Variants in PCDH15 observed in about 807,000 individuals in gnomAD.
The protein encoded by PCDH15 is protocadherin related 15.
PCDH15 carries 129 observed loss-of-function variants against 178.5 expected under a neutral mutation model. The ratio of observed to expected loss-of-function variants is 0.72; its 90% CI spans 0.63 to 0.84. PCDH15 has a LOEUF of 0.84. PCDH15 is among the 40% of genes least tolerant of loss of function. PCDH15 has a pLI of 0.00. For missense variants in PCDH15, 2,230 were observed against 2,099.9 expected (o/e 1.06, Z -1.21); for synonymous variants, 800 against 732.0 (o/e 1.09, Z -1.50).
At chr10:53,926,332 T>C (rs1162712563) in intron 25 of PCDH15, among the ~76,000 whole-genome samples, 2 of 152,200 alleles carry the variant, frequency 1.3e-5, no homozygotes, top group Non-Finnish European at 2.9e-5. Flanking sequence ...TTTCAAATAG[T>C]TGTGAAGAAA....
At chr10:54,577,852 GAATA>G (rs1228767675) in intron 2 of PCDH15, among the ~76,000 whole-genome samples, 2,203 of 11,462 alleles carry the variant, frequency 0.19, 37 homozygotes, top group East Asian at 0.41. Context: ...CTAAATAAAT[GAATA>G]AATAAATAAA....
intron 2 of PCDH15, among the ~76,000 whole-genome samples, chr10:54,997,703 A>T (rs991012217): frequency 3.9e-5 from 6 of 152,166 alleles, no homozygotes. Context: ...TGTTACTATA[A>T]AACCTAATAT....
At chr10:54,534,382 G>A (rs115264395) in intron 2 of PCDH15, among the ~76,000 whole-genome samples, 298 of 152,168 alleles carry the variant, frequency 2.0e-3, no homozygotes, top group African/African-American at 6.7e-3. Flanking sequence ...CAGATACCAA[G>A]CTAGATATAC....
At chr10:53,807,266 G>T in intron 37 of PCDH15, 136 bp from the exon 38 acceptor site, 1 of 655,852 alleles carries the variant, frequency 1.5e-6, no homozygotes, top group Admixed American at 3.2e-5. Context: ...ATAGAAGGAA[G>T]CCAGTCTTTA....
At chr10:54,444,068 T>C (rs1305889439) in intron 3 of PCDH15, among the ~76,000 whole-genome samples, 3 of 151,738 alleles carry the variant, frequency 2.0e-5, no homozygotes. Context: ...TAATTCAGAA[T>C]GTCTAGGTAA....
At chr10:55,564,670 C>T (rs1021082118) in intron 2 of PCDH15, among the ~76,000 whole-genome samples, 9 of 151,488 alleles carry the variant, frequency 5.9e-5, no homozygotes, top group African/African-American at 1.5e-4. Context: ...TAGAAAAAGA[C>T]GCTCCATGTA....
intron 2 of PCDH15, among the ~76,000 whole-genome samples, chr10:55,619,381 C>T (rs765229683): frequency 2.0e-5 from 3 of 151,848 alleles, no homozygotes; most frequent in Middle Eastern, 3.2e-3. Flanking sequence ...TTAGTAACGT[C>T]AAACAAAAGT....
intron 2 of PCDH15, among the ~76,000 whole-genome samples, chr10:55,016,689 T>C (rs1350240082): frequency 1.3e-5 from 2 of 152,170 alleles, no homozygotes; most frequent in South Asian, 2.1e-4. Context: ...TGGGCTATTG[T>C]GAACAGTGTT....
intron 2 of PCDH15, among the ~76,000 whole-genome samples, chr10:55,416,824 G>A (rs1281305440): frequency 6.6e-6 from 1 of 151,728 alleles, no homozygotes. Context: ...TGTCTGTCAC[G>A]TGATGTCACT....
intron 2 of PCDH15, among the ~76,000 whole-genome samples, chr10:55,374,493 G>A (rs1421881005): frequency 1.3e-5 from 2 of 152,070 alleles, no homozygotes; most frequent in African/African-American, 4.8e-5. Context: ...TACTCCTGGT[G>A]ATAGGCAATA....
intron 23 of PCDH15, among the ~76,000 whole-genome samples, chr10:53,946,450 C>A (rs946727991): frequency 1.3e-5 from 2 of 152,146 alleles, no homozygotes; most frequent in Admixed American, 1.3e-4. Context: ...ATATGTTTAA[C>A]TTTTCTAGAA....
chr10:55,479,711 A>T (rs1840137189), intron 2 of PCDH15, among the ~76,000 whole-genome samples: 2 of 151,348 alleles, frequency 1.3e-5, no homozygotes, highest in South Asian at 2.1e-4. Context: ...AAGAAAGTCA[A>T]ATTATCCCTC....
intron 2 of PCDH15, among the ~76,000 whole-genome samples, chr10:55,605,334 C>T (rs1251823491): frequency 2.0e-5 from 3 of 152,044 alleles, no homozygotes; most frequent in African/African-American, 7.2e-5. Flanking sequence ...GGAACTGGTA[C>T]CATTCCTTCT....
At chr10:54,011,190 C>T (rs764025115) in intron 20 of PCDH15, among the ~76,000 whole-genome samples, 4 of 152,144 alleles carry the variant, frequency 2.6e-5, no homozygotes, top group Non-Finnish European at 5.9e-5. Flanking sequence ...CAACCGAAAG[C>T]CCCTCTACCA....
intron 1 of PCDH15, among the ~76,000 whole-genome samples, chr10:55,183,914 T>C (rs1190113961): frequency 6.6e-6 from 1 of 151,968 alleles, no homozygotes; most frequent in Non-Finnish European, 1.5e-5. Context: ...GTTAGAGTTA[T>C]TTTGGCAATC....
chr10:55,345,120 G>T (rs1325412460), intron 2 of PCDH15, among the ~76,000 whole-genome samples: 1 of 150,996 alleles, frequency 6.6e-6, no homozygotes, highest in African/African-American at 2.5e-5. Flanking sequence ...AATATACTAT[G>T]TCCTAAAAGT....
At chr10:54,693,205 C>A (rs747265679) in intron 1 of PCDH15, among the ~76,000 whole-genome samples, 1 of 151,992 alleles carries the variant, frequency 6.6e-6, no homozygotes, top group South Asian at 2.1e-4. Context: ...TTTCTCCTTA[C>A]CCTTCTCTTT....
At position 55,356,163 on chromosome 10, in the gene PCDH15, T is replaced by G. The variant is rs952306744; in HGVS notation, c.-155-189512A>C. On this transcript the variant is annotated intron_variant, in intron 2 of 5. Coordinates refer to the PCDH15 transcript ENST00000613346. ...CAAATTGCTGCCCTGTGTTCAGCCC[T>G]TTTTTTGTTAATTTCTCAACACCTA... is the stretch of plus-strand genomic sequence containing the variant. Among the ~76,000 whole-genome samples the G allele has an allele frequency of 2.6e-5, 4 of 151,912 alleles. No individual in the cohort carries two copies. The East Asian group carries it at 7.7e-4, about 29-fold the overall frequency.
chr10:54,084,906 A>T (rs2094493267), intron 16 of PCDH15, among the ~76,000 whole-genome samples: 1 of 152,190 alleles, frequency 6.6e-6, no homozygotes, highest in Non-Finnish European at 1.5e-5. Context: ...CTTTACAATG[A>T]TATTTAAAGA....
Sources: gnomAD v4.1 joint callset for allele counts (sites outside exome capture counted in the v4.1 genomes callset) on GRCh38, gnomAD v4.1.1 for gene constraint, MANE v1.5 for transcripts, NCBI Gene and HGNC (gene_info 2026-07-23, HGNC 2026-07-21) for gene names.